TECPR2: variants seen among roughly 807,000 people sequenced by gnomAD.
TECPR2 encodes the protein tectonin beta-propeller repeat containing 2.
TECPR2 carries 65 observed loss-of-function variants against 138.1 expected under a neutral mutation model. That is an observed-to-expected ratio of 0.47 (90% CI 0.39 to 0.58). TECPR2 has a LOEUF of 0.58. Ranked by LOEUF, TECPR2 falls within the 20% of genes least tolerant of loss-of-function variation. TECPR2 has a pLI of 0.00. For missense variants in TECPR2, 1,553 were observed against 1,824.5 expected (o/e 0.85, Z 2.71); for synonymous variants, 746 against 749.8 (o/e 0.99, Z 0.08).
chr14:102,377,959 A>G (rs1313436372), intron 2 of TECPR2, among the ~76,000 whole-genome samples: 3 of 152,190 alleles, frequency 2.0e-5, no homozygotes, highest in East Asian at 1.9e-4. Flanking sequence ...ATCCTGACCA[A>G]TCTGTTTCTG....
At chr14:102,425,403 C>T (rs1385711663) in intron 6 of TECPR2, 112 bp downstream of exon 6, 6 of 1,085,298 alleles carry the variant, frequency 5.5e-6, no homozygotes, top group Non-Finnish European at 7.4e-6. Flanking sequence ...TATTGACTTA[C>T]ACTTTACTTT....
intron 17 of TECPR2, among the ~76,000 whole-genome samples, chr14:102,471,712 CTAATAA>C (rs574743029): frequency 6.6e-6 from 1 of 151,608 alleles, no homozygotes; most frequent in Non-Finnish European, 1.5e-5. Context: ...GAGCACAACG[CTAATAA>C]TAATAATAAT....
chr14:102,478,734 G>A (rs1445083833), intron 17 of TECPR2, among the ~76,000 whole-genome samples: 1 of 151,994 alleles, frequency 6.6e-6, no homozygotes, highest in Non-Finnish European at 1.5e-5. Context: ...GAGTGAAGCT[G>A]CCTAAGCATG....
chr14:102,445,806 C>T lies in TECPR2; in HGVS notation c.2934C>T (p.Ser978=), dbSNP rs766701687. 1.5e-5 allele frequency: 24 copies of T among 1,613,070 alleles called. No homozygotes were observed. Among genetic ancestry groups the T allele is most frequent in the Middle Eastern group, 1.6e-4 (1 of 6,074 alleles). Residue 978 remains serine, a splice_region_variant and synonymous_variant, in exon 13 of 20, where the codon AGC becomes AGT. Coordinates refer to ENST00000359520, the MANE Select transcript of TECPR2 (RefSeq NM_014844.5). Reference sequence around the variant, plus strand: ...CCCCTGTTCTCCTCCTTATTTTCAGCGAAAGGCAAGCTTTAGAACCCGTCT... The same window carrying T: ...CCCCTGTTCTCCTCCTTATTTTCAGTGAAAGGCAAGCTTTAGAACCCGTCT... ...EGEQWKCDIV[S]ERQALEPVCI... is the part of the protein sequence containing the mutation.
At chr14:102,386,023 A>G (rs891831727) in intron 2 of TECPR2, among the ~76,000 whole-genome samples, 2 of 152,180 alleles carry the variant, frequency 1.3e-5, no homozygotes, top group African/African-American at 4.8e-5. Context: ...AAAACTTTTT[A>G]AATCTAAAAT....
At chr14:102,380,787 T>C (rs985251779) in intron 2 of TECPR2, among the ~76,000 whole-genome samples, 2 of 152,242 alleles carry the variant, frequency 1.3e-5, no homozygotes, top group Non-Finnish European at 2.9e-5. Context: ...CAAGCGATTC[T>C]CATGCCTCAG....
intron 7 of TECPR2, among the ~76,000 whole-genome samples, chr14:102,429,126 C>T (rs1297525895): frequency 3.3e-5 from 5 of 152,140 alleles, no homozygotes; most frequent in Admixed American, 1.3e-4. Flanking sequence ...GGATTAAAGG[C>T]GTGAGCCACT....
rs576877132 is a variant in TECPR2, at chr14:102,500,284, G to C, written c.*2027G>C. 6.6e-6 allele frequency: 1 copy of C among 152,486 alleles called. No individual in the cohort carries two copies. Among genetic ancestry groups the C allele is most frequent in the Non-Finnish European group, 1.5e-5 (1 of 68,118 alleles). The allele number at this position is 152,486 out of a possible 1,614,324, so 9.4% of individuals were successfully genotyped here. A position where few individuals can be genotyped will look rare whatever the true frequency, so the allele number is the denominator to read the frequency against. ...CCCAGCCCCACCACAGGGAGAGTGC[G>C]TCAGCAGACCTGTCCTGGCCTGGCT... On this transcript the variant is annotated 3_prime_UTR_variant, in exon 20 of 20. Transcript: ENST00000359520.
At chr14:102,410,201 T>C (rs1008046803) in intron 4 of TECPR2, among the ~76,000 whole-genome samples, 1 of 152,242 alleles carries the variant, frequency 6.6e-6, no homozygotes, top group African/African-American at 2.4e-5. Flanking sequence ...AGCTCTATTT[T>C]CAAAACAGGT....
Position 102,452,416 on chromosome 14 carries a change from G to T in TECPR2, c.3429G>T (p.Gln1143His), listed in dbSNP as rs1436954249. The T allele has an allele frequency of 1.1e-5, 18 of 1,609,690 alleles. No homozygotes were observed. Among genetic ancestry groups the T allele is most frequent in the Non-Finnish European group, 1.5e-5 (18 of 1,176,500 alleles). Residue 1143 changes from glutamine to histidine, a missense_variant, in exon 16 of 20, where the codon CAG becomes CAT. Coordinates refer to ENST00000359520, the MANE Select transcript of TECPR2 (RefSeq NM_014844.5). ...CAGGAAGCTTCCTGTGGCTGTGCCA[G>T]AGCAGCAAGGACCTGTGCAGCGTCA... ...TKEGSFLWLCQSSKDLCSVSA... is the reference protein window; with the variant it reads ...TKEGSFLWLCHSSKDLCSVSA...
intron 15 of TECPR2, among the ~76,000 whole-genome samples, chr14:102,451,130 G>T (rs1291973910): frequency 6.6e-6 from 1 of 152,228 alleles, no homozygotes; most frequent in African/African-American, 2.4e-5. Context: ...CACATTCTGG[G>T]CAGAACTCAG....
intron 2 of TECPR2, among the ~76,000 whole-genome samples, chr14:102,401,398 C>A (rs1279405111): frequency 2.1e-5 from 3 of 144,246 alleles, no homozygotes; most frequent in African/African-American, 7.8e-5. Context: ...GAGATTGCAC[C>A]ATTGCACTCC....
intron 5 of TECPR2, among the ~76,000 whole-genome samples, chr14:102,422,844 A>ATG: frequency 6.6e-6 from 1 of 152,298 alleles, no homozygotes; most frequent in Admixed American, 6.5e-5. Context: ...GCATGGATAT[A>ATG]TGTACATATA....
chr14:102,465,433 C>G, intron 17 of TECPR2, 144 bp downstream of exon 17: 3 of 1,417,370 alleles, frequency 2.1e-6, no homozygotes, highest in Non-Finnish European at 2.7e-6. Flanking sequence ...TACACACTCT[C>G]GTTCATCAAC....
chr14:102,426,827 C>T (rs1889334260), intron 6 of TECPR2, among the ~76,000 whole-genome samples: 1 of 152,138 alleles, frequency 6.6e-6, no homozygotes, highest in Non-Finnish European at 1.5e-5. Flanking sequence ...CCACTGCACT[C>T]CAGCCTGGGT....
At chr14:102,418,095 G>A (rs1281732722) in intron 5 of TECPR2, among the ~76,000 whole-genome samples, 3 of 152,136 alleles carry the variant, frequency 2.0e-5, no homozygotes, top group Non-Finnish European at 2.9e-5. Context: ...AGGTGGCTGC[G>A]TGGGAGTCGC....
chr14:102,467,901 A>G (rs548741818), intron 17 of TECPR2, among the ~76,000 whole-genome samples: 3 of 151,158 alleles, frequency 2.0e-5, no homozygotes, highest in Admixed American at 1.3e-4. Flanking sequence ...CAGTGGCGCA[A>G]TCTCTGCTCA....
At chr14:102,473,139 G>C (rs1377462272) in intron 17 of TECPR2, among the ~76,000 whole-genome samples, 1 of 152,266 alleles carries the variant, frequency 6.6e-6, no homozygotes, top group Non-Finnish European at 1.5e-5. Flanking sequence ...CATAGACCCA[G>C]GTGTGTGACA....
chr14:102,443,502 T>G lies in TECPR2; in HGVS notation c.2753-145T>G. Reference sequence around the variant, plus strand: ...CCCGTCTATATTTTTAATTAATTAATTAATTAAAGTTTTTTTTTAAAGCAC... The same window carrying G: ...CCCGTCTATATTTTTAATTAATTAAGTAATTAAAGTTTTTTTTTAAAGCAC... On this transcript the variant is annotated intron_variant, in intron 11 of 19. Coordinates refer to ENST00000359520, the MANE Select transcript of TECPR2 (RefSeq NM_014844.5). The surrounding 1 kb of genome is among the most constrained non-coding windows in gnomAD (Gnocchi z 4.9). The G allele has an allele frequency of 1.5e-6, 1 of 678,182 alleles. No homozygotes were observed. Among genetic ancestry groups the G allele is most frequent in the Non-Finnish European group, 2.1e-6 (1 of 476,898 alleles). 42.0% of individuals were successfully genotyped at this position (678,182 alleles called of 1,614,324 possible).
Sources: allele counts gnomAD v4.1 joint callset (sites outside exome capture counted in the v4.1 genomes callset), GRCh38; gene constraint gnomAD v4.1.1; non-coding constraint Gnocchi (gnomAD v3.1); transcripts MANE v1.5; gene names NCBI Gene and HGNC (gene_info 2026-07-23, HGNC 2026-07-21).